CFAP46: variants seen among roughly 807,000 people sequenced by gnomAD.
CFAP46 encodes cilia and flagella associated protein 46.
A neutral mutation model predicts 325.7 loss-of-function variants in CFAP46; 245 were observed. That is an observed-to-expected ratio of 0.75 (90% CI 0.68 to 0.84). CFAP46 has a LOEUF of 0.84. CFAP46 is among the 40% of genes least tolerant of loss of function. CFAP46 has a pLI of 0.00. For synonymous variants in CFAP46, 1,523 were observed against 1,495.9 expected, an observed-to-expected ratio of 1.02 and a Z score of -0.42; for missense variants, 3,346 against 3,543.0, an observed-to-expected ratio of 0.94 and a Z score of 1.41.
chr10:132,882,598 C>T (rs569629837), intron 27 of CFAP46, among the ~76,000 whole-genome samples: 3 of 151,524 alleles, frequency 2.0e-5, no homozygotes, highest in African/African-American at 4.8e-5. Context: ...ACAGGTCTAG[C>T]GGGTGGGGGG....
intron 39 of CFAP46, among the ~76,000 whole-genome samples, chr10:132,852,151 G>C (rs1276986176): frequency 1.5e-5 from 2 of 133,542 alleles, no homozygotes; most frequent in African/African-American, 2.9e-5. Context: ...ATCCACAGAC[G>C]TGGTATGTTC....
intron 19 of CFAP46, among the ~76,000 whole-genome samples, chr10:132,910,448 G>T (rs551105484): frequency 1.3e-5 from 2 of 152,256 alleles, no homozygotes; most frequent in Admixed American, 1.3e-4. Flanking sequence ...AATCTGCCAC[G>T]TGCTTTGCCT....
intron 22 of CFAP46, among the ~76,000 whole-genome samples, chr10:132,905,884 C>T (rs998546949): frequency 3.3e-5 from 5 of 152,216 alleles, no homozygotes; most frequent in Admixed American, 6.5e-5. Context: ...GGGCTGGGGA[C>T]GCACCCCCAG....
intron 3 of CFAP46, 115 bp from the exon 4 acceptor site, chr10:132,941,175 G>GT: frequency 9.9e-7 from 1 of 1,008,486 alleles, no homozygotes; most frequent in Non-Finnish European, 1.6e-6. Context: ...TGTGTCACCT[G>GT]TGTATCCACA....
chr10:132,907,113 T>C (rs1310740396), intron 22 of CFAP46, among the ~76,000 whole-genome samples: 2 of 152,320 alleles, frequency 1.3e-5, no homozygotes, highest in Admixed American at 1.3e-4. Context: ...TGTGGGAAGA[T>C]GGGGCGTGGG....
At chr10:132,938,457 G>T in intron 5 of CFAP46, 132 bp downstream of exon 5, 3 of 864,068 alleles carry the variant, frequency 3.5e-6, no homozygotes, top group East Asian at 2.5e-5. Flanking sequence ...TTGTGACTGT[G>T]GGAGAGAACG....
At chr10:132,924,454 G>T (rs1158364755) in intron 11 of CFAP46, among the ~76,000 whole-genome samples, 1 of 152,212 alleles carries the variant, frequency 6.6e-6, no homozygotes, top group African/African-American at 2.4e-5. Flanking sequence ...GAGGCTCGAG[G>T]GACACAGATG....
At chr10:132,831,974 A>G (rs12358542) in intron 50 of CFAP46, among the ~76,000 whole-genome samples, 60,962 of 151,970 alleles carry the variant, frequency 0.4, 13,871 homozygotes, top group Admixed American at 0.55. Flanking sequence ...GTCTATCTCC[A>G]AGTAATATTA....
rs1026798846 is a variant in CFAP46 at position 132,884,755 on chromosome 10, C to T, written c.3627+348G>A. ...CCGCCCATCGGGGCCCCTGCCTGCT[C>T]TCCTCTGCAGCCACCCGCCCATCGG... On this transcript the variant is annotated intron_variant, in intron 27 of 57. Transcript: ENST00000368586. This position sits in a 1 kb window ranked among gnomAD's most constrained non-coding sequence, Gnocchi z 5.4. Among the ~76,000 whole-genome samples, 1 of 152,228 alleles carries T rather than the reference C, an allele frequency of 6.6e-6. No individual in the cohort carries two copies. Among genetic ancestry groups the T allele is most frequent in the East Asian group, 1.9e-4 (1 of 5,134 alleles).
intron 46 of CFAP46, 127 bp from the exon 47 acceptor site, chr10:132,835,561 C>A: frequency 8.1e-7 from 1 of 1,240,274 alleles, no homozygotes; most frequent in Non-Finnish European, 1.1e-6. Flanking sequence ...GAAGTCCCTT[C>A]CTTCATGTGG....
chr10:132,847,139 C>T lies in CFAP46; in HGVS notation c.6088-28G>A, dbSNP rs1442707864. The T allele has an allele frequency of 3.7e-6, 6 of 1,607,616 alleles. No individual in the cohort carries two copies. In the East Asian group the frequency reaches 1.1e-4, roughly 30 times the overall value. On this transcript the variant is annotated intron_variant, in intron 42 of 57. Coordinates refer to ENST00000368586, the MANE Select transcript of CFAP46 (RefSeq NM_001200049.3). The surrounding 1 kb of genome is among the most constrained non-coding windows in gnomAD (Gnocchi z 5.2). ...GTGGGGCACAAGGCTCAGGCTCAGG[C>T]CAGGCTCCGGGCAGAGGCCACACGA...
chr10:132,926,302 G>A (rs1283542615), intron 10 of CFAP46, among the ~76,000 whole-genome samples: 1 of 152,230 alleles, frequency 6.6e-6, no homozygotes, highest in Admixed American at 6.5e-5. Flanking sequence ...GGGGCTGCAG[G>A]AGGAGGGTCA....
rs967763781 is a variant in CFAP46 at position 132,937,680 on chromosome 10, A to C, written c.537-5T>G. ...AGATAACACTCCAGAAGTTCCCTGG[A>C]TAATAGAAACACACCACTGGTCAAC... On this transcript the variant is annotated splice_region_variant and splice_polypyrimidine_tract_variant and intron_variant, in intron 5 of 57. Coordinates refer to ENST00000368586, the MANE Select transcript of CFAP46 (RefSeq NM_001200049.3). 1 of 1,600,416 alleles carries C rather than the reference A, an allele frequency of 6.2e-7. No homozygotes were observed. The highest frequency in any genetic ancestry group is 1.7e-5 in the Admixed American group (1 of 58,036).
intron 41 of CFAP46, among the ~76,000 whole-genome samples, chr10:132,848,136 C>T (rs1258391619): frequency 2.0e-5 from 3 of 152,160 alleles, no homozygotes; most frequent in Non-Finnish European, 4.4e-5. Context: ...CGAGACCACT[C>T]GGTGTGTTTT....
At chr10:132,814,520 C>G in intron 53 of CFAP46, 57 bp downstream of exon 53, 1 of 1,544,220 alleles carries the variant, frequency 6.5e-7, no homozygotes, top group Non-Finnish European at 8.7e-7. Context: ...AACTGCAGGA[C>G]GGCAGGAGGC....
chr10:132,902,099 T>C lies in CFAP46; in HGVS notation c.2925-2433A>G, dbSNP rs145677240. The stretch of plus-strand genomic sequence containing the variant: ...TGGTTTTCTTTGCGTTTATCCCACT[T>C]GGGATTCCTTGAAAGTCTTGGATCT... On this transcript the variant is annotated intron_variant, in intron 22 of 57. Transcript: ENST00000368586. 7.8e-3 allele frequency among the ~76,000 whole-genome samples: 1,188 copies of C among 152,370 alleles called. 9 individuals are homozygous for C. The highest frequency in any genetic ancestry group is 0.013 in the Non-Finnish European group (864 of 68,036).
chr10:132,942,174 C>T, intron 1 of CFAP46, 70 bp from the exon 2 acceptor site: 1 of 1,533,402 alleles, frequency 6.5e-7, no homozygotes, highest in Non-Finnish European at 8.8e-7. Flanking sequence ...CAACGCCATC[C>T]CGAAGGCCCC....
rs765277859 is a variant in CFAP46, at chr10:132,922,217, T to C, written c.1493A>G (p.Lys498Arg). 1 of 1,549,298 alleles carries C rather than the reference T, an allele frequency of 6.5e-7. No homozygotes were observed. Among genetic ancestry groups the C allele is most frequent in the South Asian group, 1.2e-5 (1 of 83,980 alleles). The change falls in exon 13 of 58, where the codon AAA (lysine) becomes AGA (arginine). Residue 498 changes from lysine to arginine, a missense_variant. By Grantham distance (26) the Lys-to-Arg change is conservative. Coordinates refer to ENST00000368586, the MANE Select transcript of CFAP46 (RefSeq NM_001200049.3). ...KAIMAVEQAK[K>R]ATPKDSVRKK... ...CCTGACGCTGTCCTTTGGTGTAGCT[T>C]TTTTTGCCTGTGAAAAGCAGAGACT... is the stretch of plus-strand genomic sequence containing the variant.
intron 2 of CFAP46, 67 bp downstream of exon 2, chr10:132,941,913 G>A (rs1233577804): frequency 6.5e-7 from 1 of 1,538,490 alleles, no homozygotes; most frequent in East Asian, 2.5e-5. Flanking sequence ...TGCATCCGCT[G>A]CACACCCAGA....
Sources: gnomAD v4.1 joint callset for allele counts (sites outside exome capture counted in the v4.1 genomes callset) on GRCh38, gnomAD v4.1.1 for gene constraint, Gnocchi (gnomAD v3.1) non-coding constraint, MANE v1.5 for transcripts, NCBI Gene and HGNC (gene_info 2026-07-23, HGNC 2026-07-21) for gene names.